The following TCERG1L variants were observed in gnomAD, a reference collection of about 807,000 sequenced individuals.
The protein encoded by TCERG1L is transcription elongation regulator 1-like protein.
In TCERG1L, 37 loss-of-function variants were observed where a neutral mutation model predicts 56.3. That is an observed-to-expected ratio of 0.66 (90% CI 0.51 to 0.87). The LOEUF (loss-of-function observed/expected upper bound fraction) is 0.87. TCERG1L is among the 40% of genes least tolerant of loss of function. The probability of loss-of-function intolerance (pLI) is 0.00; values close to 1 mark genes in which losing one functional copy is unlikely to be tolerated. For synonymous variants in TCERG1L, 324 were observed against 326.3 expected, an observed-to-expected ratio of 0.99 and a Z score of 0.08; for missense variants, 799 against 774.2, an observed-to-expected ratio of 1.03 and a Z score of -0.38.
At chr10:131,288,764 C>T (rs1444203280) in intron 3 of TCERG1L, among the ~76,000 whole-genome samples, 3 of 152,036 alleles carry the variant, frequency 2.0e-5, no homozygotes, top group Non-Finnish European at 4.4e-5. Context: ...CCCGTGACCA[C>T]GGAGACACAG....
intron 3 of TCERG1L, among the ~76,000 whole-genome samples, chr10:131,270,723 C>T (rs1846331360): frequency 6.6e-6 from 1 of 152,144 alleles, no homozygotes; most frequent in Non-Finnish European, 1.5e-5. Flanking sequence ...TGTTTTTTTT[C>T]AAACACTTCC....
At chr10:131,117,706 G>T (rs891283099) in intron 8 of TCERG1L, among the ~76,000 whole-genome samples, 12 of 152,160 alleles carry the variant, frequency 7.9e-5, no homozygotes, top group Non-Finnish European at 7.3e-5. Flanking sequence ...CGAACCACAC[G>T]GGCAGGGAGG....
chr10:131,200,338 T>G (rs1845417886), intron 4 of TCERG1L, among the ~76,000 whole-genome samples: 1 of 152,226 alleles, frequency 6.6e-6, no homozygotes, highest in East Asian at 1.9e-4. Context: ...TGTTGTCTGA[T>G]GCAAGTTCCT....
At chr10:131,205,714 C>A (rs1845515166) in intron 4 of TCERG1L, among the ~76,000 whole-genome samples, 1 of 152,254 alleles carries the variant, frequency 6.6e-6, no homozygotes, top group Admixed American at 6.5e-5. Context: ...AGCATGTCCG[C>A]AGCCACCTTG....
At chr10:131,146,152 C>T (rs981943374) in intron 7 of TCERG1L, among the ~76,000 whole-genome samples, 18 of 152,290 alleles carry the variant, frequency 1.2e-4, no homozygotes, top group Admixed American at 3.3e-4. Flanking sequence ...CTCCCATCTG[C>T]GTACATCTGG....
At chr10:131,288,454 C>T (rs1846570660) in intron 3 of TCERG1L, among the ~76,000 whole-genome samples, 1 of 152,084 alleles carries the variant, frequency 6.6e-6, no homozygotes, top group Non-Finnish European at 1.5e-5. Flanking sequence ...ACCAGACCGA[C>T]CCTCTCAGGA....
chr10:131,263,199 A>G (rs1846250209), intron 3 of TCERG1L, among the ~76,000 whole-genome samples: 1 of 152,096 alleles, frequency 6.6e-6, no homozygotes, highest in African/African-American at 2.4e-5. Flanking sequence ...CTCAATCTGC[A>G]TTTAGTGATG....
intron 4 of TCERG1L, among the ~76,000 whole-genome samples, chr10:131,231,208 G>T (rs571450504): frequency 6.6e-6 from 1 of 152,312 alleles, no homozygotes; most frequent in African/African-American, 2.4e-5. Flanking sequence ...ACTGCAGCAC[G>T]GCGGACACTG....
Position 131,248,995 on chromosome 10 carries a change from C to T in TCERG1L, c.856+11264G>A, listed in dbSNP as rs187179997. ...AGAGGCAGGATGGGATGGAGCTGACCTGGTGCACAGAGGCGATGCCTCTGA... is the reference window on the plus strand; with the variant it reads ...AGAGGCAGGATGGGATGGAGCTGACTTGGTGCACAGAGGCGATGCCTCTGA... On this transcript the variant is annotated intron_variant, in intron 4 of 11. Coordinates refer to ENST00000368642, the MANE Select transcript of TCERG1L (RefSeq NM_174937.4). Among the ~76,000 whole-genome samples the T allele has an allele frequency of 5.5e-3, 843 of 152,296 alleles. 5 individuals are homozygous for T. The highest frequency in any genetic ancestry group is 0.038 in the Middle Eastern group (11 of 292).
chr10:131,306,506 T>C (rs1315553596), intron 3 of TCERG1L, among the ~76,000 whole-genome samples: 2 of 152,090 alleles, frequency 1.3e-5, no homozygotes, highest in Admixed American at 1.3e-4. Flanking sequence ...CTATTTATCA[T>C]GTTTATAAGA....
intron 7 of TCERG1L, among the ~76,000 whole-genome samples, chr10:131,143,570 C>T (rs1845761804): frequency 1.3e-5 from 2 of 152,168 alleles, no homozygotes; most frequent in Non-Finnish European, 1.5e-5. Flanking sequence ...TACAGGTGCA[C>T]AGCCAGATGG....
chr10:131,148,565 CATACACACAAAT>C (rs1845827278), intron 6 of TCERG1L, among the ~76,000 whole-genome samples: 2 of 140,066 alleles, frequency 1.4e-5, no homozygotes, highest in Non-Finnish European at 3.2e-5. Flanking sequence ...GAGAAACACA[CATACACACAAAT>C]ACAGACACAC....
rs1564834725 is a variant in TCERG1L at position 131,289,376 on chromosome 10, C to T, written c.670+18835G>A. ...CATTAAATACGAAAAATAAAAGATA[C>T]GATATAGTTGGAAATAAAAGTGCCC... On this transcript the variant is annotated intron_variant, in intron 3 of 11. Coordinates refer to ENST00000368642, the MANE Select transcript of TCERG1L (RefSeq NM_174937.4). Among the ~76,000 whole-genome samples, 5 of 152,114 alleles carry T rather than the reference C, an allele frequency of 3.3e-5. No individual in the cohort carries two copies. In the South Asian group the frequency reaches 8.3e-4, roughly 25 times the overall value.
At chr10:131,100,252 G>C (rs866949998) in intron 10 of TCERG1L, among the ~76,000 whole-genome samples, 28 of 152,288 alleles carry the variant, frequency 1.8e-4, no homozygotes, top group Admixed American at 3.3e-4. Context: ...TTAATGCAGG[G>C]TTATTATCCA....
At chr10:131,159,633 G>A (rs966944758) in intron 6 of TCERG1L, among the ~76,000 whole-genome samples, 3 of 152,138 alleles carry the variant, frequency 2.0e-5, no homozygotes, top group Admixed American at 6.5e-5. Flanking sequence ...CTCTATAAGC[G>A]AGACGGAAGC....
rs762753426 is a variant in TCERG1L at position 131,093,388 on chromosome 10, G to A, written c.1605-70C>T. ...CTGGCCTCCCCAGAGATCCTGCAGC[G>A]GCACCGCCTGAGCAAGCATCCAGCC... is the stretch of plus-strand genomic sequence containing the variant. On this transcript the variant is annotated intron_variant, in intron 11 of 11. Transcript: ENST00000368642. 6.1e-5 allele frequency: 95 copies of A among 1,556,104 alleles called. 1 individual carries two copies. Among genetic ancestry groups the A allele is most frequent in the South Asian group, 3.9e-4 (33 of 84,292 alleles).
At chr10:131,291,397 ATTTCTTTTTTTTTTTTTTTTTTTTTTTTT>A (rs1846622080) in intron 3 of TCERG1L, among the ~76,000 whole-genome samples, 1 of 60,188 alleles carries the variant, frequency 1.7e-5, no homozygotes, top group African/African-American at 6.6e-5. Context: ...CATAAACAGC[ATTTCTTTTTTTTTTTTTTTTTTTTTTTTT>A]TTTTTTTTTT....
intron 4 of TCERG1L, among the ~76,000 whole-genome samples, chr10:131,228,874 C>T (rs1392421648): frequency 3.2e-5 from 4 of 123,922 alleles, no homozygotes; most frequent in Admixed American, 3.1e-4. Context: ...CCCCTCCAGA[C>T]AGGCATTTCC....
At chr10:131,210,812 A>C (rs909482345) in intron 4 of TCERG1L, among the ~76,000 whole-genome samples, 6 of 152,172 alleles carry the variant, frequency 3.9e-5, no homozygotes, top group Admixed American at 2.6e-4. Context: ...TGCAGTCAAT[A>C]ACTCATTTTC....
Sources: gnomAD v4.1 joint callset for allele counts (sites outside exome capture counted in the v4.1 genomes callset) on GRCh38, gnomAD v4.1.1 for gene constraint, MANE v1.5 for transcripts, NCBI Gene and HGNC (gene_info 2026-07-23, HGNC 2026-07-21) for gene names.